ABCA5: variants seen among roughly 807,000 people sequenced by gnomAD.
ABCA5 encodes ATP binding cassette subfamily A member 5, also known as cholesterol transporter ABCA5.
In ABCA5, 163 loss-of-function variants were observed where a neutral mutation model predicts 206.0. That is an observed-to-expected ratio of 0.79 (90% CI 0.70 to 0.90). The LOEUF is 0.90. ABCA5 is among the 40% of genes least tolerant of loss of function. The pLI is 0.00. For missense variants in ABCA5, 1,859 were observed against 1,912.9 expected (o/e 0.97, Z 0.53); for synonymous variants, 609 against 613.8 (o/e 0.99, Z 0.11).
intron 24 of ABCA5, 23 bp downstream of exon 24, chr17:69,264,712 G>A (rs781750766): frequency 7.0e-7 from 1 of 1,436,950 alleles, no homozygotes; most frequent in Non-Finnish European, 9.2e-7. Flanking sequence ...TAAATAGCAT[G>A]AGTACAACTA....
intron 31 of ABCA5, among the ~76,000 whole-genome samples, chr17:69,254,709 G>A (rs1251102019): frequency 6.6e-6 from 1 of 151,908 alleles, no homozygotes; most frequent in Non-Finnish European, 1.5e-5. Context: ...ATTTTAGGAG[G>A]GAAGATGTCT....
chr17:69,299,471 T>TACACACACACACAC (rs71144671), intron 9 of ABCA5, among the ~76,000 whole-genome samples: 7,763 of 142,350 alleles, frequency 0.055, 302 homozygotes, highest in African/African-American at 0.092. Context: ...CACACACACA[T>TACACACACACACAC]ACACACACAC....
intron 9 of ABCA5, among the ~76,000 whole-genome samples, chr17:69,299,664 A>C (rs576723242): frequency 6.6e-6 from 1 of 152,152 alleles, no homozygotes; most frequent in South Asian, 2.1e-4. Flanking sequence ...ACACAAAGAC[A>C]TAAGAACGAT....
Position 69,285,908 on chromosome 17 carries a change from G to A in ABCA5, c.2262C>T (p.Asp754=). The A allele has an allele frequency of 1.2e-6, 2 of 1,611,592 alleles. No individual in the cohort carries two copies. Among genetic ancestry groups the A allele is most frequent in the Non-Finnish European group, 1.7e-6 (2 of 1,178,962 alleles). Residue 754 remains aspartate (D), a synonymous_variant, in exon 17 of 39, where the codon GAC becomes GAT. Coordinates refer to ENST00000392676, the MANE Select transcript of ABCA5 (RefSeq NM_172232.4). Reference sequence around the variant, plus strand: ...TAAAGTAAGTAATACCTGAAAATTTGTCCATGTCCTTGAAAGGCAAGCTAT... The same window carrying A: ...TAAAGTAAGTAATACCTGAAAATTTATCCATGTCCTTGAAAGGCAAGCTAT... ...LVYSLPFKDM[D]KFSGLFSALD... is the part of the protein sequence containing the mutation.
intron 5 of ABCA5, among the ~76,000 whole-genome samples, chr17:69,307,453 C>T (rs1457520478): frequency 1.3e-5 from 2 of 151,934 alleles, no homozygotes; most frequent in African/African-American, 2.4e-5. Context: ...TCTAACATTC[C>T]AATTAATGCC....
intron 7 of ABCA5, 64 bp from the exon 8 acceptor site, chr17:69,302,970 A>C: frequency 1.1e-6 from 1 of 876,412 alleles, no homozygotes; most frequent in African/African-American, 1.8e-5. Flanking sequence ...AACAAAATTA[A>C]AGTTTGCTTC....
chr17:69,310,774 T>C (rs1567782113), intron 3 of ABCA5, among the ~76,000 whole-genome samples: 1 of 152,234 alleles, frequency 6.6e-6, no homozygotes, highest in Non-Finnish European at 1.5e-5. Flanking sequence ...CGTCTTCATG[T>C]ATTAACTGTG....
intron 15 of ABCA5, among the ~76,000 whole-genome samples, chr17:69,286,949 G>GA (rs770160801): frequency 2.6e-5 from 4 of 152,160 alleles, no homozygotes; most frequent in Admixed American, 2.0e-4. Context: ...TCTATCCTTA[G>GA]AAAGGCCTGC....
chr17:69,302,949 A>G, intron 7 of ABCA5, 43 bp from the exon 8 acceptor site: 2 of 1,069,472 alleles, frequency 1.9e-6, no homozygotes, highest in Non-Finnish European at 1.3e-6. Flanking sequence ...GTTCATATAT[A>G]CCAGTATGAA....
chr17:69,254,220 A>G, intron 32 of ABCA5, 95 bp downstream of exon 32: 1 of 1,029,040 alleles, frequency 9.7e-7, no homozygotes, highest in South Asian at 1.9e-5. Context: ...TATAAAAATC[A>G]TTGTCCACAG....
intron 3 of ABCA5, among the ~76,000 whole-genome samples, chr17:69,311,218 T>A (rs533729227): frequency 1.4e-4 from 21 of 151,036 alleles, no homozygotes; most frequent in Admixed American, 6.6e-5. Context: ...AAAAAAAAAA[T>A]GCTTCATAGA....
chr17:69,251,598 T>C, intron 35 of ABCA5, 149 bp downstream of exon 35: 1 of 1,045,678 alleles, frequency 9.6e-7, no homozygotes, highest in Non-Finnish European at 1.3e-6. Context: ...AAACTCAACA[T>C]ACTTCCAAGT....
At chr17:69,260,281 T>C (rs917210891) in intron 27 of ABCA5, 57 bp downstream of exon 27, 14 of 1,323,044 alleles carry the variant, frequency 1.1e-5, no homozygotes, top group East Asian at 7.2e-5. Flanking sequence ...GTTAAAACCA[T>C]AGGACCAAAC....
In ABCA5 at chr17:69,261,239, T is replaced by C. The variant is rs774612815; in HGVS notation, c.3450A>G (p.Ala1150=). 5 of 1,606,390 alleles carry C rather than the reference T, an allele frequency of 3.1e-6. No homozygotes were observed. The Admixed American group carries it at 6.7e-5, about 22-fold the overall frequency. The change falls in exon 26 of 39, where the codon GCA becomes GCG. Residue 1150 remains alanine (A), a synonymous_variant. Transcript: ENST00000392676. ...CCATAAAGAAAGTTATTTCAGTGAT[T>C]GCAATACAAGCCAACGCTGCCTAAA... ...IYSVAALACI[A]ITEITFFMGY...
chr17:69,295,888 T>G (rs557252430), intron 10 of ABCA5, among the ~76,000 whole-genome samples: 1 of 152,318 alleles, frequency 6.6e-6, no homozygotes, highest in South Asian at 2.1e-4. Context: ...AATCCACATA[T>G]AAGTGAACTG....
rs923384515 is a variant in ABCA5 at position 69,253,958 on chromosome 17, A to G, written c.4245-89T>C. The stretch of plus-strand genomic sequence containing the variant: ...TGTGATCCCTGATGTTGTTTTCTCT[A>G]GAATAGTTACTTAGTCGAAGCTTAT... On this transcript the variant is annotated intron_variant, in intron 32 of 38. Transcript: ENST00000392676. 10 of 1,091,122 alleles carry G rather than the reference A, an allele frequency of 9.2e-6. No individual in the cohort carries two copies. The African/African-American group carries it at 1.4e-4, about 16-fold the overall frequency. 67.6% of individuals were successfully genotyped at this position (1,091,122 alleles called of 1,614,324 possible). A position where few individuals can be genotyped will look rare whatever the true frequency, so the allele number is the denominator to read the frequency against.
At chr17:69,312,472 T>C (rs1038504650) in intron 3 of ABCA5, among the ~76,000 whole-genome samples, 5 of 152,190 alleles carry the variant, frequency 3.3e-5, no homozygotes, top group Admixed American at 2.0e-4. Flanking sequence ...TCTCCAAAGT[T>C]AGGTACTTCT....
intron 1 of ABCA5, among the ~76,000 whole-genome samples, chr17:69,323,803 A>C (rs982315775): frequency 6.6e-6 from 1 of 152,214 alleles, no homozygotes; most frequent in Non-Finnish European, 1.5e-5. Context: ...AACTATGATG[A>C]AAGAGGTGGG....
intron 1 of ABCA5, among the ~76,000 whole-genome samples, chr17:69,320,103 G>A (rs920244065): frequency 1.3e-5 from 2 of 152,050 alleles, no homozygotes; most frequent in African/African-American, 4.8e-5. Context: ...CTTGTACATG[G>A]CAACTAATTA....
Sources: gnomAD v4.1 joint callset for allele counts (sites outside exome capture counted in the v4.1 genomes callset) on GRCh38, gnomAD v4.1.1 for gene constraint, MANE v1.5 for transcripts, NCBI Gene and HGNC (gene_info 2026-07-23, HGNC 2026-07-21) for gene names.